CRACD: variants seen among roughly 807,000 people sequenced by gnomAD.
The protein encoded by CRACD is capping protein-inhibiting regulator of actin dynamics.
CRACD carries 56 observed loss-of-function variants against 106.8 expected under a neutral mutation model. That is an observed-to-expected ratio of 0.52 (90% CI 0.42 to 0.66). The LOEUF (loss-of-function observed/expected upper bound fraction) is 0.66, where lower values mean the gene tolerates loss of function less well. Ranked by LOEUF, CRACD falls within the 30% of genes least tolerant of loss-of-function variation. CRACD has a pLI of 0.00. For synonymous variants in CRACD, 754 were observed against 670.8 expected (o/e 1.12, Z -1.92); for missense variants, 1,730 against 1,623.2 (o/e 1.07, Z -1.13).
intron 2 of CRACD, among the ~76,000 whole-genome samples, chr4:56,259,463 A>G (rs768847040): frequency 1.3e-5 from 2 of 152,178 alleles, no homozygotes; most frequent in African/African-American, 2.4e-5. Context: ...GGTAAAGGTT[A>G]TAACTCATTT....
intron 1 of CRACD, among the ~76,000 whole-genome samples, chr4:56,166,687 A>AAC (rs1267744568): frequency 4.4e-4 from 67 of 151,838 alleles, no homozygotes; most frequent in African/African-American, 1.4e-3. Context: ...AAAAAAAAAA[A>AAC]AAAAACCATT....
Position 56,072,588 on chromosome 4 carries a change from T to TTTTC in CRACD, c.-336+23309_-336+23312dup, listed in dbSNP as rs749010900. Among the ~76,000 whole-genome samples, 131 of 151,010 alleles carry TTTTC rather than the reference T, an allele frequency of 8.7e-4. No individual in the cohort carries two copies. The Middle Eastern group carries it at 0.01, about 12-fold the overall frequency. ...ATCACTGCTATCTAATTCTAGACCATTTTCTTTCTTTCTTTCTTTCTTTTT... is the reference window on the plus strand; with the variant it reads ...ATCACTGCTATCTAATTCTAGACCATTTTCTTTCTTTCTTTCTTTCTTTCTTTTT... On this transcript the variant is annotated intron_variant, in intron 1 of 10. Coordinates refer to ENST00000682029, the MANE Select transcript of CRACD (RefSeq NM_001393381.1).
intron 1 of CRACD, among the ~76,000 whole-genome samples, chr4:56,131,571 G>A (rs1734826459): frequency 6.6e-6 from 1 of 152,204 alleles, no homozygotes; most frequent in Non-Finnish European, 1.5e-5. Context: ...GCCTGCTCTT[G>A]TGAACAGCAA....
At chr4:56,207,250 G>A (rs978273198) in intron 2 of CRACD, among the ~76,000 whole-genome samples, 37 of 152,184 alleles carry the variant, frequency 2.4e-4, no homozygotes, top group Admixed American at 9.8e-4. Flanking sequence ...GTAATCTAGA[G>A]TAATTCTATT....
intron 2 of CRACD, among the ~76,000 whole-genome samples, chr4:56,228,166 C>T (rs543038037): frequency 1.5e-4 from 23 of 152,114 alleles, no homozygotes; most frequent in Admixed American, 3.3e-4. Context: ...ACCGTGTCCT[C>T]ATATGATGCT....
intron 2 of CRACD, among the ~76,000 whole-genome samples, chr4:56,183,888 C>T (rs1736967344): frequency 6.6e-6 from 1 of 152,154 alleles, no homozygotes; most frequent in African/African-American, 2.4e-5. Context: ...TTTACATAGC[C>T]TTGTAGTTTC....
intron 1 of CRACD, among the ~76,000 whole-genome samples, chr4:56,051,909 G>A (rs574824316): frequency 2.0e-5 from 3 of 152,210 alleles, no homozygotes; most frequent in African/African-American, 7.2e-5. Context: ...CTGTAAAATG[G>A]GGGAAGTAAT....
chr4:56,091,240 GA>G (rs1733414813), intron 1 of CRACD, among the ~76,000 whole-genome samples: 1 of 152,008 alleles, frequency 6.6e-6, no homozygotes, highest in South Asian at 2.1e-4. Context: ...AGACGAGATA[GA>G]GACACTATCT....
At chr4:56,150,316 A>G (rs1362290058) in intron 1 of CRACD, among the ~76,000 whole-genome samples, 1 of 152,246 alleles carries the variant, frequency 6.6e-6, no homozygotes, top group African/African-American at 2.4e-5. Flanking sequence ...AAACATGTAC[A>G]TGTGCTCAGT....
intron 1 of CRACD, among the ~76,000 whole-genome samples, chr4:56,130,510 A>C (rs1734790950): frequency 6.6e-6 from 1 of 152,128 alleles, no homozygotes; most frequent in Non-Finnish European, 1.5e-5. Flanking sequence ...ATCAAAACTC[A>C]GTGTAACCTT....
At chr4:56,284,292 T>TAAAAA (rs59270238) in intron 3 of CRACD, among the ~76,000 whole-genome samples, 1,617 of 45,442 alleles carry the variant, frequency 0.036, 266 homozygotes, top group African/African-American at 0.1. Flanking sequence ...CATCCTAAAG[T>TAAAAA]AAAAAAAAAA....
chr4:56,193,190 G>A (rs112741689), intron 2 of CRACD, among the ~76,000 whole-genome samples: 194 of 152,298 alleles, frequency 1.3e-3, no homozygotes, highest in African/African-American at 4.5e-3. Flanking sequence ...AAAACCATCA[G>A]ATCTCGTGAG....
chr4:56,270,600 A>G (rs1029511324), intron 2 of CRACD, among the ~76,000 whole-genome samples: 1 of 151,874 alleles, frequency 6.6e-6, no homozygotes, highest in African/African-American at 2.4e-5. Flanking sequence ...TCTCTCTCAA[A>G]ACTTCTTACT....
intron 2 of CRACD, among the ~76,000 whole-genome samples, chr4:56,240,117 A>G (rs887435156): frequency 6.6e-6 from 1 of 152,190 alleles, no homozygotes; most frequent in African/African-American, 2.4e-5. Context: ...AAGACATAGT[A>G]TTCATTTATT....
At chr4:56,256,449 C>T (rs113835693) in intron 2 of CRACD, among the ~76,000 whole-genome samples, 3,699 of 152,246 alleles carry the variant, frequency 0.024, 66 homozygotes, top group South Asian at 0.097. Context: ...AACATGAAAA[C>T]GAACTAATAC....
intron 6 of CRACD, among the ~76,000 whole-genome samples, chr4:56,312,860 C>T (rs571377983): frequency 6.6e-6 from 1 of 152,288 alleles, no homozygotes; most frequent in South Asian, 2.1e-4. Context: ...CTCTGATTCT[C>T]CAAAACAGGC....
intron 8 of CRACD, 135 bp downstream of exon 8, chr4:56,316,824 C>T (rs77070058): frequency 2.7e-6 from 3 of 1,100,288 alleles, no homozygotes; most frequent in African/African-American, 3.2e-5. Flanking sequence ...TTTATTAGAA[C>T]GCTGCAGAAC....
At chr4:56,275,399 C>T (rs928428718) in intron 3 of CRACD, among the ~76,000 whole-genome samples, 2 of 151,882 alleles carry the variant, frequency 1.3e-5, no homozygotes, top group East Asian at 1.9e-4. Flanking sequence ...GGCTATAGTG[C>T]GCTATGATCA....
chr4:56,226,091 T>C (rs541180060), intron 2 of CRACD, among the ~76,000 whole-genome samples: 69 of 151,392 alleles, frequency 4.6e-4, no homozygotes, highest in Non-Finnish European at 7.9e-4. Context: ...TCGTAAGAAG[T>C]GGGGCCTTCT....
Sources: allele counts gnomAD v4.1 joint callset (sites outside exome capture counted in the v4.1 genomes callset), GRCh38; gene constraint gnomAD v4.1.1; transcripts MANE v1.5; gene names NCBI Gene and HGNC (gene_info 2026-07-23, HGNC 2026-07-21).